Variants in KCNK10 observed in about 807,000 individuals in gnomAD.
The protein encoded by KCNK10 is potassium two pore domain channel subfamily K member 10, also known as potassium channel subfamily K member 10.
A neutral mutation model predicts 47.7 loss-of-function variants in KCNK10; 25 were observed. The observed-to-expected ratio is 0.52, with a 90% CI of 0.38 to 0.73. KCNK10 has a LOEUF of 0.73. Among genes scored for constraint, KCNK10 ranks in the 30% least tolerant of loss-of-function variants. The pLI, the probability that KCNK10 is intolerant of heterozygous loss-of-function variation, is 0.00. For missense variants in KCNK10, 563 were observed against 714.5 expected (o/e 0.79, Z 2.42); for synonymous variants, 303 against 285.6 (o/e 1.06, Z -0.61).
intron 1 of KCNK10, among the ~76,000 whole-genome samples, chr14:88,320,063 C>A (rs1888513021): frequency 6.6e-6 from 1 of 152,180 alleles, no homozygotes; most frequent in Non-Finnish European, 1.5e-5. Context: ...TACTGTCACC[C>A]CTACCTTTGG....
intron 1 of KCNK10, among the ~76,000 whole-genome samples, chr14:88,318,790 A>G (rs1033662847): frequency 1.3e-5 from 2 of 152,178 alleles, no homozygotes; most frequent in African/African-American, 2.4e-5. Flanking sequence ...AAACCCAGAA[A>G]AGCTAAATGA....
intron 1 of KCNK10, among the ~76,000 whole-genome samples, chr14:88,272,902 A>G (rs1288320): frequency 0.066 from 10,002 of 152,250 alleles, 423 homozygotes; most frequent in East Asian, 0.092. Context: ...AAAGGAAGAA[A>G]GGAGGCGTCT....
intron 1 of KCNK10, among the ~76,000 whole-genome samples, chr14:88,295,827 T>C (rs1457836495): frequency 1.3e-5 from 2 of 152,166 alleles, no homozygotes; most frequent in Non-Finnish European, 2.9e-5. Context: ...AGCTCATCCA[T>C]TCAGCAAGTT....
At chr14:88,302,758 T>C (rs1418570833) in intron 1 of KCNK10, among the ~76,000 whole-genome samples, 2 of 151,950 alleles carry the variant, frequency 1.3e-5, no homozygotes, top group African/African-American at 4.8e-5. Flanking sequence ...GGAAATGATG[T>C]CACAAAGCAT....
rs980191610 is a variant in KCNK10 at position 88,322,486 on chromosome 14, A to C, written c.52+261T>G. ...GCAAATACCGACACTTGCAATTTCA[A>C]ACCAAACAGTCGGCTTGGTCTATCT... On this transcript the variant is annotated intron_variant, in intron 1 of 6. Coordinates refer to ENST00000319231, the MANE Select transcript of KCNK10 (RefSeq NM_138317.3). This position sits in a 1 kb window ranked among gnomAD's most constrained non-coding sequence, Gnocchi z 4.8. Among the ~76,000 whole-genome samples, 2 of 152,168 alleles carry C rather than the reference A, an allele frequency of 1.3e-5. No homozygotes were observed. Among genetic ancestry groups the C allele is most frequent in the Non-Finnish European group, 2.9e-5 (2 of 68,030 alleles).
chr14:88,251,658 T>C (rs1232690750), intron 2 of KCNK10, among the ~76,000 whole-genome samples: 2 of 152,242 alleles, frequency 1.3e-5, no homozygotes, highest in Non-Finnish European at 2.9e-5. Flanking sequence ...AAAATGGCAA[T>C]GTACTGATTG....
intron 4 of KCNK10, among the ~76,000 whole-genome samples, chr14:88,193,115 T>TA (rs1408663679): frequency 6.6e-6 from 1 of 152,210 alleles, no homozygotes; most frequent in Non-Finnish European, 1.5e-5. Context: ...AGAGACAGGA[T>TA]AGGAGTTAGC....
At chr14:88,315,360 A>G (rs1168513815) in intron 1 of KCNK10, among the ~76,000 whole-genome samples, 2 of 152,212 alleles carry the variant, frequency 1.3e-5, no homozygotes, top group African/African-American at 2.4e-5. Flanking sequence ...AAATTAATAA[A>G]TAGACTTTAT....
At chr14:88,320,886 C>A (rs1198650176) in intron 1 of KCNK10, among the ~76,000 whole-genome samples, 1 of 152,222 alleles carries the variant, frequency 6.6e-6, no homozygotes, top group Non-Finnish European at 1.5e-5. Context: ...GCTACCCCAC[C>A]TCCAACAACA....
chr14:88,221,301 C>CAAAAATAAT (rs1555361116), intron 4 of KCNK10, among the ~76,000 whole-genome samples: 5 of 144,170 alleles, frequency 3.5e-5, no homozygotes, highest in African/African-American at 5.2e-5. Context: ...GACTCTGTCT[C>CAAAAATAAT]AATAATAATA....
At chr14:88,307,357 A>ACACACAC (rs55857719) in intron 1 of KCNK10, among the ~76,000 whole-genome samples, 1 of 151,830 alleles carries the variant, frequency 6.6e-6, no homozygotes, top group African/African-American at 2.4e-5. Flanking sequence ...ACACACACAC[A>ACACACAC]AATATCTACC....
At chr14:88,241,323 C>T (rs924164132) in intron 2 of KCNK10, among the ~76,000 whole-genome samples, 2 of 152,172 alleles carry the variant, frequency 1.3e-5, no homozygotes, top group Admixed American at 6.5e-5. Context: ...TTGTTTGAAC[C>T]TCTCTGAGCC....
chr14:88,214,620 T>A (rs1885561845), intron 4 of KCNK10, among the ~76,000 whole-genome samples: 1 of 152,076 alleles, frequency 6.6e-6, no homozygotes, highest in Non-Finnish European at 1.5e-5. Context: ...GCAGCAGACA[T>A]GAGCAAGGGG....
At chr14:88,274,548 C>T (rs113227450) in intron 1 of KCNK10, among the ~76,000 whole-genome samples, 1 of 1,388 alleles carries the variant, frequency 7.2e-4, no homozygotes, top group Non-Finnish European at 0.01. Context: ...GAGACTCTAT[C>T]TAAAAAAAAA....
At chr14:88,323,828 C>T (rs1888606987), upstream of KCNK10, 1 of 152,326 alleles carries the variant, frequency 6.6e-6, no homozygotes, top group African/African-American at 2.4e-5. Flanking sequence ...CTGAGCTCTC[C>T]CTCCTTCTCT....
chr14:88,245,025 C>CT (rs1425403294), intron 2 of KCNK10, among the ~76,000 whole-genome samples: 3 of 152,146 alleles, frequency 2.0e-5, no homozygotes, highest in African/African-American at 7.2e-5. Flanking sequence ...CTTGAATTTC[C>CT]TTTTTAGCCT....
chr14:88,290,101 C>T (rs959978542), intron 1 of KCNK10, among the ~76,000 whole-genome samples: 1 of 152,170 alleles, frequency 6.6e-6, no homozygotes. Flanking sequence ...TACTTTACTA[C>T]TTTACACGAC....
intron 4 of KCNK10, among the ~76,000 whole-genome samples, chr14:88,199,695 C>A (rs1478351849): frequency 6.6e-6 from 1 of 152,280 alleles, no homozygotes; most frequent in Non-Finnish European, 1.5e-5. Context: ...ACCCAGAACA[C>A]GTAAAAGAGA....
At chr14:88,226,614 A>G (rs1416594556) in intron 4 of KCNK10, among the ~76,000 whole-genome samples, 2 of 152,214 alleles carry the variant, frequency 1.3e-5, no homozygotes, top group African/African-American at 4.8e-5. Flanking sequence ...CTGTGAAAGC[A>G]TACAAATGAG....
Sources: allele counts gnomAD v4.1 joint callset (sites outside exome capture counted in the v4.1 genomes callset), GRCh38; gene constraint gnomAD v4.1.1; non-coding constraint Gnocchi (gnomAD v3.1); transcripts MANE v1.5; gene names NCBI Gene and HGNC (gene_info 2026-07-23, HGNC 2026-07-21).